Variants in KDM4C observed in about 807,000 individuals in gnomAD.
The protein encoded by KDM4C is lysine demethylase 4C.
In KDM4C, 81 loss-of-function variants were observed where a neutral mutation model predicts 129.3. The ratio of observed to expected loss-of-function variants is 0.63; its 90% CI spans 0.52 to 0.75. The LOEUF (loss-of-function observed/expected upper bound fraction) is 0.75. KDM4C is among the 30% of genes least tolerant of loss of function. The pLI is 0.00. For missense variants in KDM4C, 1,457 were observed against 1,304.0 expected (o/e 1.12, Z -1.81); for synonymous variants, 573 against 456.1 (o/e 1.26, Z -3.26).
chr9:6,902,192 T>C (rs558313852), intron 8 of KDM4C, among the ~76,000 whole-genome samples: 1 of 152,214 alleles, frequency 6.6e-6, no homozygotes. Context: ...TGTACATATA[T>C]CATTTACAGT....
chr9:6,757,594 A>C (rs562306668), upstream of KDM4C: 4 of 979,498 alleles, frequency 4.1e-6, no homozygotes, highest in African/African-American at 7.0e-5. Flanking sequence ...GTACATTCCG[A>C]GGCTCCACCC....
At chr9:7,129,093 A>G (rs569524944) in intron 19 of KDM4C, among the ~76,000 whole-genome samples, 11 of 152,254 alleles carry the variant, frequency 7.2e-5, no homozygotes, top group African/African-American at 2.6e-4. Context: ...CTGACCCTTA[A>G]TAATGTAGTC....
chr9:6,726,492 A>G (rs7031699), intron 1 of KDM4C: 1 of 151,994 alleles, frequency 6.6e-6, no homozygotes, highest in Non-Finnish European at 1.5e-5. Context: ...CTCCTCAACC[A>G]CTTTTACCAG....
At chr9:6,927,121 ATC>A (rs1563826822) in intron 8 of KDM4C, among the ~76,000 whole-genome samples, 4 of 150,790 alleles carry the variant, frequency 2.7e-5, no homozygotes, top group African/African-American at 9.8e-5. Flanking sequence ...CTATCTATCT[ATC>A]TATCTATCTA....
At chr9:6,828,187 G>A (rs182947875) in intron 4 of KDM4C, among the ~76,000 whole-genome samples, 3 of 151,638 alleles carry the variant, frequency 2.0e-5, no homozygotes, top group East Asian at 1.9e-4. Context: ...TCGCACTGTC[G>A]CCCAGGCTGG....
At position 6,748,986 on chromosome 9, in the gene KDM4C, G is replaced by C. The variant is rs749616334; in HGVS notation, c.49+27989G>C. On this transcript the variant is annotated intron_variant, in intron 1 of 17. Coordinates refer to the KDM4C transcript ENST00000536108. ...GCCCTGGCCACTGTATGCCATGGTG[G>C]AATTTCACAAAGAGCACACTTGCAA... 8.5e-6 allele frequency: 7 copies of C among 820,554 alleles called. No individual in the cohort carries two copies. In the South Asian group the frequency reaches 9.2e-5, roughly 11 times the overall value. 50.8% of individuals were successfully genotyped at this position (820,554 alleles called of 1,614,324 possible). A position where few individuals can be genotyped will look rare whatever the true frequency, so the allele number is the denominator to read the frequency against.
At chr9:7,087,997 T>C (rs568748070) in intron 17 of KDM4C, among the ~76,000 whole-genome samples, 1 of 151,814 alleles carries the variant, frequency 6.6e-6, no homozygotes, top group South Asian at 2.1e-4. Context: ...TGCTTTGAGG[T>C]ACTACTTATC....
chr9:7,016,190 A>C (rs1378601791), intron 15 of KDM4C, among the ~76,000 whole-genome samples: 5 of 151,594 alleles, frequency 3.3e-5, no homozygotes, highest in Non-Finnish European at 5.9e-5. Context: ...TGCAGTGGCA[A>C]GATCTTGGCT....
At chr9:6,983,573 G>C (rs1257429490) in intron 9 of KDM4C, among the ~76,000 whole-genome samples, 3 of 142,610 alleles carry the variant, frequency 2.1e-5, no homozygotes, top group Non-Finnish European at 4.6e-5. Context: ...GTGTCTTTAT[G>C]ACACACACAC....
chr9:6,812,336 G>C (rs1044818498), intron 3 of KDM4C, among the ~76,000 whole-genome samples: 1 of 152,176 alleles, frequency 6.6e-6, no homozygotes, highest in Non-Finnish European at 1.5e-5. Context: ...AATCTTGGAG[G>C]TTTCTGTAGA....
At chr9:7,124,542 A>G (rs1253042967) in intron 18 of KDM4C, among the ~76,000 whole-genome samples, 2 of 152,172 alleles carry the variant, frequency 1.3e-5, no homozygotes, top group Non-Finnish European at 2.9e-5. Flanking sequence ...TAATTACTAC[A>G]TCCAAGTCAC....
intron 4 of KDM4C, among the ~76,000 whole-genome samples, chr9:6,842,312 CTTTTTTTTTT>C (rs759138371): frequency 6.1e-5 from 6 of 97,876 alleles, no homozygotes; most frequent in East Asian, 6.0e-4. Context: ...ATCCACATTT[CTTTTTTTTTT>C]TTTTTTTTTT....
chr9:7,045,255 C>T (rs1829226203), intron 15 of KDM4C, among the ~76,000 whole-genome samples: 3 of 152,024 alleles, frequency 2.0e-5, no homozygotes, highest in African/African-American at 7.2e-5. Flanking sequence ...CTTTAGGCTT[C>T]TTCTCACTGC....
In KDM4C at chr9:6,979,655, G is replaced by A. The variant is rs184064103; in HGVS notation, c.922-1270G>A. ...AGATTGTAAGAGATTTGGGGGAGAC[G>A]AAAGTAACAGCTATAACGATGGATT... On this transcript the variant is annotated intron_variant, in intron 8 of 21. Transcript: ENST00000381309. 1.8e-4 allele frequency among the ~76,000 whole-genome samples: 28 copies of A among 152,266 alleles called. 1 individual carries two copies. Among genetic ancestry groups the A allele is most frequent in the Admixed American group, 7.8e-4 (12 of 15,302 alleles).
intron 1 of KDM4C, chr9:6,721,173 A>C: frequency 2.2e-6 from 1 of 461,492 alleles, no homozygotes; most frequent in Non-Finnish European, 3.9e-6. Flanking sequence ...TCCCAGGCTC[A>C]GGTGATTCTC....
At chr9:7,042,232 A>G (rs1828723086) in intron 15 of KDM4C, among the ~76,000 whole-genome samples, 1 of 152,042 alleles carries the variant, frequency 6.6e-6, no homozygotes, top group Non-Finnish European at 1.5e-5. Flanking sequence ...CATAAGAGTA[A>G]TAAATGGCAG....
intron 1 of KDM4C, among the ~76,000 whole-genome samples, chr9:6,767,511 T>C (rs1215012547): frequency 6.6e-6 from 1 of 151,910 alleles, no homozygotes; most frequent in Non-Finnish European, 1.5e-5. Context: ...CTCGGCTCAC[T>C]GCAACCTCTG....
chr9:7,159,033 G>A (rs1306164079), intron 19 of KDM4C, among the ~76,000 whole-genome samples: 1 of 152,182 alleles, frequency 6.6e-6, no homozygotes, highest in Non-Finnish European at 1.5e-5. Context: ...CCTGTATTGG[G>A]TGCATATATA....
chr9:6,794,939 G>A (rs1827439944), intron 2 of KDM4C, among the ~76,000 whole-genome samples: 1 of 152,112 alleles, frequency 6.6e-6, no homozygotes, highest in Admixed American at 6.5e-5. Flanking sequence ...CTTCTATAAT[G>A]TAAGTCTATT....
Sources: gnomAD v4.1 joint callset for allele counts (sites outside exome capture counted in the v4.1 genomes callset) on GRCh38, gnomAD v4.1.1 for gene constraint, MANE v1.5 for transcripts, NCBI Gene and HGNC (gene_info 2026-07-23, HGNC 2026-07-21) for gene names.